Variants in DZIP1 observed in about 807,000 individuals in gnomAD.
The protein encoded by DZIP1 is DAZ interacting zinc finger protein 1.
A neutral mutation model predicts 107.6 loss-of-function variants in DZIP1; 97 were observed. That is an observed-to-expected ratio of 0.90 (90% CI 0.77 to 1.07). The LOEUF is 1.07. Ranked by LOEUF, DZIP1 falls within the 50% of genes least tolerant of loss-of-function variation. DZIP1 has a pLI of 0.00. For missense variants in DZIP1, 1,035 were observed against 1,063.6 expected (o/e 0.97, Z 0.37); for synonymous variants, 390 against 386.4 (o/e 1.01, Z -0.11).
In DZIP1 at chr13:95,622,467, A is replaced by T; in HGVS notation, c.986T>A (p.Ile329Asn). ...NSALEYQLSE[I>N]QKSNMQIKSN... ...CTTGATCTGCATATTGGACTTCTGGATTTCTGACAGTTGCTATAAGATAAA... is the reference window on the plus strand; with the variant it reads ...CTTGATCTGCATATTGGACTTCTGGTTTTCTGACAGTTGCTATAAGATAAA... The change falls in exon 9 of 23, where the codon ATC (isoleucine) becomes AAC (asparagine). Residue 329 changes from isoleucine to asparagine, a missense_variant. Physicochemically the swap from Ile to Asn is moderately radical, Grantham distance 149. Transcript: ENST00000376829. The T allele has an allele frequency of 6.2e-7, 1 of 1,614,166 alleles. No individual in the cohort carries two copies. The highest frequency in any genetic ancestry group is 8.5e-7 in the Non-Finnish European group (1 of 1,180,026).
intron 18 of DZIP1, 129 bp downstream of exon 18, chr13:95,589,674 T>C: frequency 7.9e-7 from 1 of 1,263,010 alleles, no homozygotes; most frequent in East Asian, 2.4e-5. Flanking sequence ...ATCCTGATCT[T>C]GGACTTTCAG....
chr13:95,609,214 C>T (rs564334156), intron 13 of DZIP1, among the ~76,000 whole-genome samples: 6 of 152,142 alleles, frequency 3.9e-5, no homozygotes, highest in Non-Finnish European at 7.3e-5. Context: ...TTTAGTCATC[C>T]CTTTTTAGAC....
At chr13:95,603,179 G>C (rs1413034443) in intron 14 of DZIP1, among the ~76,000 whole-genome samples, 1 of 151,504 alleles carries the variant, frequency 6.6e-6, no homozygotes, top group Non-Finnish European at 1.5e-5. Flanking sequence ...AATTAGTCAG[G>C]TATGGTGGTG....
intron 16 of DZIP1, among the ~76,000 whole-genome samples, chr13:95,592,102 T>G (rs1383849505): frequency 6.6e-6 from 1 of 152,190 alleles, no homozygotes; most frequent in Admixed American, 6.5e-5. Context: ...GGAGAAACTA[T>G]GGATTATTCA....
At position 95,585,584 on chromosome 13, in the gene DZIP1, T is replaced by C. The variant is rs184617763; in HGVS notation, c.2349+422A>G. 2.0e-5 allele frequency among the ~76,000 whole-genome samples: 3 copies of C among 152,314 alleles called. No individual in the cohort carries two copies. In the East Asian group the frequency reaches 5.8e-4, roughly 29 times the overall value. ...TGGGAAAATGTTTGGGCTTCTTCTC[T>C]AATGCAGACAGAGGAGCTTGGCCTC... On this transcript the variant is annotated intron_variant, in intron 21 of 22. Transcript: ENST00000376829.
Position 95,612,142 on chromosome 13 carries a change from CATT to C in DZIP1, c.1206_1208del (p.Met403del). 6.2e-7 allele frequency: 1 copy of C among 1,612,866 alleles called. No individual in the cohort carries two copies. Among genetic ancestry groups the C allele is most frequent in the Non-Finnish European group, 8.5e-7 (1 of 1,179,970 alleles). On this transcript the variant is annotated inframe_deletion, in exon 11 of 23. Transcript: ENST00000376829. ...CATTGCTTGCATTTAGATCATCTAT[CATT>C]GAGGTTCGAAGTTTCTCTATATGTG...
Position 95,628,529 on chromosome 13 carries a change from C to T in DZIP1, c.810+1460G>A, listed in dbSNP as rs143197233. On this transcript the variant is annotated intron_variant, in intron 7 of 22. Transcript: ENST00000376829. Reference sequence around the variant, plus strand: ...CACAATATTGTGAATACACTAAACGCTACTGGATTGTACACTGTAAAATGA... The same window carrying T: ...CACAATATTGTGAATACACTAAACGTTACTGGATTGTACACTGTAAAATGA... Among the ~76,000 whole-genome samples the T allele has an allele frequency of 5.3e-5, 8 of 152,256 alleles. No homozygotes were observed. In the East Asian group the frequency reaches 1.4e-3, roughly 26 times the overall value.
At chr13:95,599,336 C>A (rs765239554) in intron 15 of DZIP1, 29 bp downstream of exon 15, 1 of 1,596,972 alleles carries the variant, frequency 6.3e-7, no homozygotes, top group South Asian at 1.1e-5. Context: ...ATAATCTGTG[C>A]AGGTAAACCT....
At chr13:95,644,133 G>A (rs962510133) in intron 1 of DZIP1, among the ~76,000 whole-genome samples, 1 of 152,184 alleles carries the variant, frequency 6.6e-6, no homozygotes, top group African/African-American at 2.4e-5. Context: ...TCAAGTCCCA[G>A]GCGCATGGCA....
intron 9 of DZIP1, among the ~76,000 whole-genome samples, chr13:95,620,970 C>A (rs971074514): frequency 6.6e-6 from 1 of 152,188 alleles, no homozygotes; most frequent in African/African-American, 2.4e-5. Context: ...TGGATGGCCA[C>A]TGGCAGGCTA....
intron 12 of DZIP1, among the ~76,000 whole-genome samples, chr13:95,610,745 T>C (rs1302884334): frequency 6.6e-6 from 1 of 152,198 alleles, no homozygotes; most frequent in African/African-American, 2.4e-5. Flanking sequence ...GAAATGCAAG[T>C]TGAAATTTAA....
At chr13:95,613,887 G>A (rs925826203) in intron 10 of DZIP1, among the ~76,000 whole-genome samples, 2 of 152,178 alleles carry the variant, frequency 1.3e-5, no homozygotes, top group African/African-American at 4.8e-5. Context: ...CTTTCGGGAG[G>A]CCGAGGAGGG....
chr13:95,641,143 G>T lies in DZIP1; in HGVS notation c.597+152C>A. 2.9e-6 allele frequency: 3 copies of T among 1,031,390 alleles called. No individual in the cohort carries two copies. The highest frequency in any genetic ancestry group is 4.0e-6 in the Non-Finnish European group (3 of 745,708). The allele number at this position is 1,031,390 out of a possible 1,614,324, so 63.9% of individuals were successfully genotyped here. On this transcript the variant is annotated intron_variant, in intron 5 of 22. Coordinates refer to ENST00000376829, the MANE Select transcript of DZIP1 (RefSeq NM_198968.4). This position sits in a 1 kb window ranked among gnomAD's most constrained non-coding sequence, Gnocchi z 4.3. The stretch of plus-strand genomic sequence containing the variant: ...AAGGTAATGAACCATGACATTTGTT[G>T]GTTAAATGACTGTTTTTGCTTAAAT...
chr13:95,599,438 A>T lies in DZIP1; in HGVS notation c.1478-14T>A, dbSNP rs747218202. ...AGAATGCCTGTTCTATTAACAAGGAAAAATAAGAACAGTACAAACAGGACA... is the reference window on the plus strand; with the variant it reads ...AGAATGCCTGTTCTATTAACAAGGATAAATAAGAACAGTACAAACAGGACA... On this transcript the variant is annotated splice_polypyrimidine_tract_variant and intron_variant, in intron 14 of 22. Transcript: ENST00000376829. The T allele has an allele frequency of 1.2e-6, 2 of 1,608,306 alleles. No individual in the cohort carries two copies. The highest frequency in any genetic ancestry group is 4.5e-5 in the East Asian group (2 of 44,762).
chr13:95,607,776 C>A (rs1312965076), intron 13 of DZIP1, among the ~76,000 whole-genome samples: 3 of 152,102 alleles, frequency 2.0e-5, no homozygotes, highest in Non-Finnish European at 1.5e-5. Context: ...ACAATTTGGT[C>A]TTTTCTCTAA....
intron 14 of DZIP1, among the ~76,000 whole-genome samples, chr13:95,605,760 A>G (rs1380125109): frequency 1.3e-5 from 2 of 152,186 alleles, no homozygotes; most frequent in African/African-American, 4.8e-5. Context: ...TAAAATCTCT[A>G]CTTGTGAGTC....
At chr13:95,624,391 CT>C (rs1179313749) in intron 8 of DZIP1, among the ~76,000 whole-genome samples, 1 of 152,200 alleles carries the variant, frequency 6.6e-6, no homozygotes, top group Non-Finnish European at 1.5e-5. Flanking sequence ...AGGAGGGAGC[CT>C]GGCAAAGGTT....
chr13:95,641,494 T>G lies in DZIP1; in HGVS notation c.398A>C (p.His133Pro). 6.2e-7 allele frequency: 1 copy of G among 1,614,094 alleles called. No homozygotes were observed. Among genetic ancestry groups the G allele is most frequent in the Non-Finnish European group, 8.5e-7 (1 of 1,180,004 alleles). The change falls in exon 5 of 23, where the codon CAC becomes CCC. Residue 133 changes from histidine to proline, a missense_variant. His to Pro is a moderately conservative substitution (Grantham distance 77). Transcript: ENST00000376829. The surrounding 1 kb of genome is among the most constrained non-coding windows in gnomAD (Gnocchi z 4.3). ...LAQFTIEYLLHSQEFLTSQLH... is the reference protein window; with the variant it reads ...LAQFTIEYLLPSQEFLTSQLH... Reference sequence around the variant, plus strand: ...CTGCGAGGTGAGGAACTCTTGTGAGTGCAGCAAGTACTCGATGGTGAACTG... The same window carrying G: ...CTGCGAGGTGAGGAACTCTTGTGAGGGCAGCAAGTACTCGATGGTGAACTG...
chr13:95,639,082 G>A (rs1175026684), intron 5 of DZIP1, among the ~76,000 whole-genome samples: 7 of 152,098 alleles, frequency 4.6e-5, no homozygotes, highest in Non-Finnish European at 8.8e-5. Context: ...GCCAAGCACT[G>A]CTCTAAGCAC....
Sources: gnomAD v4.1 joint callset for allele counts (sites outside exome capture counted in the v4.1 genomes callset) on GRCh38, gnomAD v4.1.1 for gene constraint, Gnocchi (gnomAD v3.1) non-coding constraint, MANE v1.5 for transcripts, NCBI Gene and HGNC (gene_info 2026-07-23, HGNC 2026-07-21) for gene names.